CSMD1: variants seen among roughly 807,000 people sequenced by gnomAD.
The protein encoded by CSMD1 is CUB and sushi domain-containing protein 1.
A neutral mutation model predicts 417.5 loss-of-function variants in CSMD1; 213 were observed. The observed-to-expected ratio is 0.51, with a 90% CI of 0.46 to 0.57. The LOEUF (loss-of-function observed/expected upper bound fraction) is 0.57. Among genes scored for constraint, CSMD1 ranks in the 20% least tolerant of loss-of-function variants. The pLI is 0.00. For missense variants in CSMD1, 6,923 were observed against 4,529.7 expected (o/e 1.53, Z -15.17); for synonymous variants, 2,862 against 1,736.8 (o/e 1.65, Z -16.11).
chr8:4,288,291 C>T (rs1389873156), intron 3 of CSMD1, among the ~76,000 whole-genome samples: 2 of 152,126 alleles, frequency 1.3e-5, no homozygotes, highest in East Asian at 3.9e-4. Context: ...GCTCCCTTTC[C>T]TAAGGTACTA....
rs371055077 is a variant in CSMD1, at chr8:4,419,941, C to G, written c.415+12G>C. ...CAGTGAATGCATGTGCAAAACACAA[C>G]CAATCTCCTACCTTCATATAATGCT... On this transcript the variant is annotated intron_variant, in intron 3 of 69. Coordinates refer to ENST00000635120, the MANE Select transcript of CSMD1 (RefSeq NM_033225.6). 4 of 1,530,038 alleles carry G rather than the reference C, an allele frequency of 2.6e-6. No homozygotes were observed. Among genetic ancestry groups the G allele is most frequent in the African/African-American group, 1.4e-5 (1 of 73,010 alleles). 94.8% of individuals were successfully genotyped at this position (1,530,038 alleles called of 1,614,324 possible).
chr8:3,750,582 G>A (rs539178591), intron 6 of CSMD1, among the ~76,000 whole-genome samples: 2 of 152,106 alleles, frequency 1.3e-5, no homozygotes, highest in South Asian at 4.1e-4. Context: ...CAGATAAAAG[G>A]TACAATACAA....
intron 3 of CSMD1, among the ~76,000 whole-genome samples, chr8:4,259,807 C>T (rs922014178): frequency 1.3e-5 from 2 of 152,156 alleles, no homozygotes; most frequent in South Asian, 2.1e-4. Flanking sequence ...TAATATAAAG[C>T]TATTATTTGG....
chr8:3,677,320 T>C (rs189579985), intron 7 of CSMD1, among the ~76,000 whole-genome samples: 1 of 152,286 alleles, frequency 6.6e-6, no homozygotes, highest in East Asian at 1.9e-4. Context: ...AATGACTTAA[T>C]AACCATCTAT....
At chr8:3,616,239 G>A (rs905155128) in intron 8 of CSMD1, among the ~76,000 whole-genome samples, 22 of 152,170 alleles carry the variant, frequency 1.4e-4, no homozygotes, top group African/African-American at 4.8e-4. Flanking sequence ...AGAGGCAATT[G>A]AATCATGGGG....
At chr8:4,209,944 C>A (rs931250012) in intron 3 of CSMD1, among the ~76,000 whole-genome samples, 1 of 152,196 alleles carries the variant, frequency 6.6e-6, no homozygotes, top group African/African-American at 2.4e-5. Flanking sequence ...GTTGCTATGA[C>A]AATGGTAAAC....
rs754405745 is a variant in CSMD1, at chr8:3,753,956, C to A, written c.905G>T (p.Arg302Leu). ...LHFTSDSNHR[R>L]KGFNAQFQVK... ...TTGGAACTGAGCGTTAAATCCTTTGCGTCGGTGGTTGCTGTCAGAGGTGAA... is the reference window on the plus strand; with the variant it reads ...TTGGAACTGAGCGTTAAATCCTTTGAGTCGGTGGTTGCTGTCAGAGGTGAA... The change falls in exon 6 of 70, where the codon CGC becomes CTC. Residue 302 changes from arginine to leucine, a missense_variant. Transcript: ENST00000635120. 6.2e-7 allele frequency: 1 copy of A among 1,611,238 alleles called. No individual in the cohort carries two copies. The highest frequency in any genetic ancestry group is 8.5e-7 in the Non-Finnish European group (1 of 1,178,374).
At chr8:4,123,557 T>G (rs964947203) in intron 3 of CSMD1, among the ~76,000 whole-genome samples, 4 of 152,252 alleles carry the variant, frequency 2.6e-5, no homozygotes, top group Non-Finnish European at 2.9e-5. Context: ...TGTAACACAT[T>G]TAAAGTGAGG....
chr8:4,121,306 C>A (rs916427895), intron 3 of CSMD1, among the ~76,000 whole-genome samples: 1 of 151,746 alleles, frequency 6.6e-6, no homozygotes, highest in African/African-American at 2.4e-5. Flanking sequence ...GTAGAGACAC[C>A]GTTCCACCAT....
At chr8:3,714,446 G>C (rs969916791) in intron 6 of CSMD1, among the ~76,000 whole-genome samples, 1 of 150,848 alleles carries the variant, frequency 6.6e-6, no homozygotes, top group Non-Finnish European at 1.5e-5. Flanking sequence ...TTTTTGACCA[G>C]GCATGGTGGT....
At chr8:4,539,433 G>C (rs763943726) in intron 2 of CSMD1, among the ~76,000 whole-genome samples, 3 of 152,178 alleles carry the variant, frequency 2.0e-5, no homozygotes, top group African/African-American at 2.4e-5. Flanking sequence ...TACATTTTTA[G>C]TCAGTCTTCA....
chr8:4,268,000 G>C (rs965726069), intron 3 of CSMD1, among the ~76,000 whole-genome samples: 3 of 152,010 alleles, frequency 2.0e-5, no homozygotes, highest in African/African-American at 7.2e-5. Flanking sequence ...TGGTGGAGGG[G>C]AGCAGATAGG....
At chr8:4,579,598 A>G (rs1342452561) in intron 2 of CSMD1, among the ~76,000 whole-genome samples, 1 of 152,082 alleles carries the variant, frequency 6.6e-6, no homozygotes, top group Non-Finnish European at 1.5e-5. Context: ...TCCTCACCTC[A>G]TGATCCACCA....
intron 2 of CSMD1, among the ~76,000 whole-genome samples, chr8:4,626,551 A>C (rs1802126216): frequency 6.6e-6 from 1 of 152,044 alleles, no homozygotes; most frequent in Admixed American, 6.6e-5. Flanking sequence ...TGTAAGAAGG[A>C]GATCAACAAG....
At chr8:4,969,657 T>C (rs777711390) in intron 1 of CSMD1, among the ~76,000 whole-genome samples, 13 of 152,028 alleles carry the variant, frequency 8.6e-5, no homozygotes, top group African/African-American at 1.4e-4. Flanking sequence ...TTTGAGCCCA[T>C]TGATTTCGAG....
intron 1 of CSMD1, among the ~76,000 whole-genome samples, chr8:4,940,358 T>C (rs540308505): frequency 6.6e-5 from 10 of 152,250 alleles, no homozygotes; most frequent in Non-Finnish European, 1.3e-4. Context: ...TTTTAAAATA[T>C]GCAAATTGAG....
intron 1 of CSMD1, among the ~76,000 whole-genome samples, chr8:4,727,313 G>C (rs561591553): frequency 3.9e-5 from 6 of 152,242 alleles, no homozygotes; most frequent in Admixed American, 2.6e-4. Context: ...ATTTAATTAA[G>C]TGTTTGAGAA....
chr8:3,728,678 A>G (rs914623302), intron 6 of CSMD1, among the ~76,000 whole-genome samples: 1 of 151,936 alleles, frequency 6.6e-6, no homozygotes, highest in Non-Finnish European at 1.5e-5. Flanking sequence ...AGGAGAAAGT[A>G]GAAAGAGTGC....
At chr8:3,864,606 T>G (rs543050875) in intron 5 of CSMD1, among the ~76,000 whole-genome samples, 1 of 152,266 alleles carries the variant, frequency 6.6e-6, no homozygotes, top group African/African-American at 2.4e-5. Flanking sequence ...CTCCTAGTGT[T>G]ATCCCTCCCC....
Sources: gnomAD v4.1 joint callset for allele counts (sites outside exome capture counted in the v4.1 genomes callset) on GRCh38, gnomAD v4.1.1 for gene constraint, MANE v1.5 for transcripts, NCBI Gene and HGNC (gene_info 2026-07-23, HGNC 2026-07-21) for gene names.